Variants in COL15A1 observed in about 807,000 individuals in gnomAD.
COL15A1 encodes the protein collagen alpha-1(XV) chain.
Under a neutral mutation model 165.9 loss-of-function variants are expected in COL15A1, and 111 were observed. The ratio of observed to expected loss-of-function variants is 0.67; its 90% CI spans 0.57 to 0.78. The LOEUF is 0.78. Among genes scored for constraint, COL15A1 ranks in the 30% least tolerant of loss-of-function variants. The pLI, the probability that COL15A1 is intolerant of heterozygous loss-of-function variation, is 0.00. For missense variants in COL15A1, 1,745 were observed against 1,789.7 expected, an observed-to-expected ratio of 0.98 and a Z score of 0.45; for synonymous variants, 659 against 674.8, an observed-to-expected ratio of 0.98 and a Z score of 0.36.
intron 2 of COL15A1, among the ~76,000 whole-genome samples, chr9:98,978,607 T>C (rs1404976872): frequency 6.6e-6 from 1 of 152,218 alleles, no homozygotes; most frequent in Non-Finnish European, 1.5e-5. Flanking sequence ...CTCAGTGGGA[T>C]GTGTGGTTTT....
intron 26 of COL15A1, among the ~76,000 whole-genome samples, chr9:99,045,592 A>G (rs1419647671): frequency 6.6e-6 from 1 of 152,204 alleles, no homozygotes; most frequent in Non-Finnish European, 1.5e-5. Context: ...GATGCTTCAC[A>G]TAGGTCATCT....
At position 98,944,058 on chromosome 9, in the gene COL15A1, C is replaced by G. The variant is rs756018296; in HGVS notation, c.-4C>G. The G allele has an allele frequency of 6.2e-7, 1 of 1,614,080 alleles. No homozygotes were observed. The highest frequency in any genetic ancestry group is 1.7e-5 in the Admixed American group (1 of 60,034). On this transcript the variant is annotated 5_prime_UTR_variant, in exon 1 of 42. Transcript: ENST00000375001. ...CGCCTTCCGGGGCTCCGCAGACCCG[C>G]GAGATGGCACCAAGGTAAGACCCGC... is the stretch of plus-strand genomic sequence containing the variant.
intron 2 of COL15A1, among the ~76,000 whole-genome samples, chr9:98,975,154 T>G (rs1290685614): frequency 6.6e-6 from 1 of 152,238 alleles, no homozygotes; most frequent in African/African-American, 2.4e-5. Flanking sequence ...CGTCCGGACA[T>G]ATCCGCAGCG....
At position 99,061,872 on chromosome 9, in the gene COL15A1, G is replaced by GGGAC. The variant is rs1300292569; in HGVS notation, c.3403-96_3403-93dup. 6 of 1,296,388 alleles carry GGGAC rather than the reference G, an allele frequency of 4.6e-6. No individual in the cohort carries two copies. In the South Asian group the frequency reaches 8.6e-5, roughly 19 times the overall value. 80.3% of individuals were successfully genotyped at this position (1,296,388 alleles called of 1,614,324 possible). A position where few individuals can be genotyped will look rare whatever the true frequency, so the allele number is the denominator to read the frequency against. On this transcript the variant is annotated intron_variant, in intron 36 of 41. Coordinates refer to ENST00000375001, the MANE Select transcript of COL15A1 (RefSeq NM_001855.5). ...AACAAGCCTCTTTATTGAGTATCTG[G>GGGAC]GGACGGCTCCTAGTTGACTTTACAG...
In COL15A1 at chr9:98,985,598, A is replaced by G. The variant is rs747757801; in HGVS notation, c.134A>G (p.Gln45Arg). 1 of 1,614,036 alleles carries G rather than the reference A, an allele frequency of 6.2e-7. No homozygotes were observed. The highest frequency in any genetic ancestry group is 8.5e-7 in the Non-Finnish European group (1 of 1,179,866). Reference protein sequence around the residue: ...TASQGHLDLTQLIGVPLPSSV... With the variant: ...TASQGHLDLTRLIGVPLPSSV... ...TCCCAGGGTCACCTGGACCTCACGC[A>G]GCTCATCGGTGTCCCGCTGCCCTCG... The change falls in exon 3 of 42, where the codon CAG becomes CGG. Residue 45 changes from glutamine (Q) to arginine (R), a missense_variant. Physicochemically the swap from Gln to Arg is conservative, Grantham distance 43. Transcript: ENST00000375001.
chr9:99,005,917 C>G (rs1838754903), intron 9 of COL15A1, among the ~76,000 whole-genome samples: 1 of 152,210 alleles, frequency 6.6e-6, no homozygotes, highest in South Asian at 2.1e-4. Flanking sequence ...CATACCTGGC[C>G]TGAGAGCCCT....
intron 9 of COL15A1, among the ~76,000 whole-genome samples, chr9:99,013,303 A>AGG (rs1434075585): frequency 6.6e-6 from 1 of 152,044 alleles, no homozygotes; most frequent in Non-Finnish European, 1.5e-5. Context: ...ACCCCCCAAG[A>AGG]CACTCCCACT....
chr9:99,016,917 G>A (rs1001993409), intron 11 of COL15A1, among the ~76,000 whole-genome samples: 18 of 152,232 alleles, frequency 1.2e-4, no homozygotes, highest in African/African-American at 2.4e-5. Flanking sequence ...GTGAGGGGAG[G>A]GGCTGTGGGA....
chr9:99,017,387 A>T (rs76096691), intron 11 of COL15A1, among the ~76,000 whole-genome samples: 2,463 of 152,134 alleles, frequency 0.016, 160 homozygotes, highest in South Asian at 0.11. Context: ...CATCCATGAG[A>T]GTGTGGTGTG....
chr9:98,985,011 C>T (rs375757132), intron 2 of COL15A1, among the ~76,000 whole-genome samples: 5 of 152,086 alleles, frequency 3.3e-5, no homozygotes, highest in South Asian at 2.1e-4. Context: ...ATGTTATCCT[C>T]GAACTCCTGA....
chr9:98,961,582 G>A (rs1837865864), intron 2 of COL15A1, among the ~76,000 whole-genome samples: 1 of 152,208 alleles, frequency 6.6e-6, no homozygotes, highest in Non-Finnish European at 1.5e-5. Context: ...GTTGAGGGAG[G>A]AAGGCAGGGT....
intron 2 of COL15A1, among the ~76,000 whole-genome samples, chr9:98,954,009 C>T (rs1438333375): frequency 6.6e-6 from 1 of 152,168 alleles, no homozygotes; most frequent in Non-Finnish European, 1.5e-5. Context: ...GCTGAAGAGC[C>T]GCATTAGACT....
intron 2 of COL15A1, among the ~76,000 whole-genome samples, chr9:98,966,926 T>C (rs1017549139): frequency 2.0e-5 from 3 of 152,200 alleles, no homozygotes; most frequent in African/African-American, 7.2e-5. Flanking sequence ...ATGATAAATA[T>C]GATGTGTTAA....
At chr9:99,037,698 C>A (rs939153055) in intron 21 of COL15A1, among the ~76,000 whole-genome samples, 4 of 152,048 alleles carry the variant, frequency 2.6e-5, no homozygotes, top group African/African-American at 9.7e-5. Context: ...AAGAGGGGAA[C>A]AAGGGAGAAA....
Position 98,980,239 on chromosome 9 carries a change from G to T in COL15A1, c.101-5326G>T, listed in dbSNP as rs532185209. Among the ~76,000 whole-genome samples the T allele has an allele frequency of 7.9e-5, 12 of 152,314 alleles. No homozygotes were observed. The South Asian group carries it at 1.5e-3, about 18-fold the overall frequency. On this transcript the variant is annotated intron_variant, in intron 2 of 41. Coordinates refer to ENST00000375001, the MANE Select transcript of COL15A1 (RefSeq NM_001855.5). ...ATTCATTCACTATAAGCCCTGGGTT[G>T]GTTACTGGGAAGACAGATGGCCCAG...
intron 2 of COL15A1, among the ~76,000 whole-genome samples, chr9:98,950,526 C>T (rs1488608285): frequency 8.7e-6 from 1 of 114,812 alleles, no homozygotes; most frequent in Non-Finnish European, 1.7e-5. Flanking sequence ...CCCTTCCCTT[C>T]CTTCCTTCCC....
At chr9:99,015,013 A>G (rs1838904738) in intron 9 of COL15A1, among the ~76,000 whole-genome samples, 1 of 151,982 alleles carries the variant, frequency 6.6e-6, no homozygotes. Context: ...TGGACAAATT[A>G]TTAGGGAAGT....
At chr9:98,949,391 T>C (rs1178462590) in intron 2 of COL15A1, among the ~76,000 whole-genome samples, 2 of 152,244 alleles carry the variant, frequency 1.3e-5, no homozygotes, top group African/African-American at 4.8e-5. Flanking sequence ...TTTCTGTTGG[T>C]TCTATACCTA....
intron 26 of COL15A1, among the ~76,000 whole-genome samples, chr9:99,047,449 GC>G (rs1249127837): frequency 2.6e-5 from 4 of 152,228 alleles, no homozygotes; most frequent in Non-Finnish European, 5.9e-5. Flanking sequence ...TTCTGGGCTG[GC>G]CCAGCACCTG....
Sources: allele counts gnomAD v4.1 joint callset (sites outside exome capture counted in the v4.1 genomes callset), GRCh38; gene constraint gnomAD v4.1.1; transcripts MANE v1.5; gene names NCBI Gene and HGNC (gene_info 2026-07-23, HGNC 2026-07-21).